Variants in RGP1 observed in about 807,000 individuals in gnomAD.
RGP1 encodes the protein RAB6A-GEF complex partner protein 2.
In RGP1, 28 loss-of-function variants were observed where a neutral mutation model predicts 44.5. The observed-to-expected ratio is 0.63, with a 90% CI of 0.47 to 0.86. The LOEUF is 0.86. RGP1 is among the 40% of genes least tolerant of loss of function. RGP1 has a pLI of 0.00. For synonymous variants in RGP1, 212 were observed against 196.7 expected, an observed-to-expected ratio of 1.08 and a Z score of -0.65; for missense variants, 417 against 490.7, an observed-to-expected ratio of 0.85 and a Z score of 1.42.
chr9:35,776,632 T>C, the RGP1 span, among the ~76,000 whole-genome samples: 1 of 152,056 alleles, frequency 6.6e-6, no homozygotes, highest in Non-Finnish European at 1.5e-5. Context: ...ATTTTCAAAG[T>C]GTCATCCTTG....
chr9:35,775,574 C>G, the RGP1 span, among the ~76,000 whole-genome samples: 1 of 151,966 alleles, frequency 6.6e-6, no homozygotes, highest in Non-Finnish European at 1.5e-5. Context: ...TGGGAAGGAG[C>G]GCCACCATTT....
At chr9:35,750,509 C>A in intron 3 of RGP1, 130 bp downstream of exon 3, 1 of 1,321,924 alleles carries the variant, frequency 7.6e-7, no homozygotes, top group Non-Finnish European at 1.1e-6. Flanking sequence ...TGTTGGGGAG[C>A]ATGACTATTG....
At chr9:35,761,237 T>A (rs564603290), downstream of RGP1, among the ~76,000 whole-genome samples, 1 of 152,366 alleles carries the variant, frequency 6.6e-6, no homozygotes, top group African/African-American at 2.4e-5. Context: ...ATTTATTATG[T>A]TATTTATGCC....
Position 35,754,177 on chromosome 9 carries a change from C to A in RGP1, c.*1303C>A. 1.3e-6 allele frequency: 2 copies of A among 1,581,024 alleles called. No individual in the cohort carries two copies. The highest frequency in any genetic ancestry group is 1.8e-5 in the Admixed American group (1 of 54,992). ...ACCCTTCTTGGCCTCTGCTCAGCTA[C>A]TCTGGTCTTGACTCCTTGACTTTGC... On this transcript the variant is annotated 3_prime_UTR_variant, in exon 9 of 9. Coordinates refer to ENST00000378078, the MANE Select transcript of RGP1 (RefSeq NM_001080496.3).
At chr9:35,765,866 G>A in the RGP1 span, among the ~76,000 whole-genome samples, 4 of 143,142 alleles carry the variant, frequency 2.8e-5, no homozygotes, top group South Asian at 2.2e-4. Flanking sequence ...ACAGAGTTTC[G>A]CTCTGTTGCC....
At chr9:35,771,300 A>G in the RGP1 span, among the ~76,000 whole-genome samples, 1 of 152,158 alleles carries the variant, frequency 6.6e-6, no homozygotes, top group African/African-American at 2.4e-5. Flanking sequence ...TGGCCTAGAT[A>G]TGATTAGATG....
In RGP1 at chr9:35,751,984, G is replaced by C. The variant is rs539391165; in HGVS notation, c.791G>C (p.Arg264Pro). The C allele has an allele frequency of 6.3e-7, 1 of 1,592,164 alleles. No individual in the cohort carries two copies. Among genetic ancestry groups the C allele is most frequent in the Non-Finnish European group, 8.6e-7 (1 of 1,169,508 alleles). ...TCAGTCAGCTTACAGACCGAGGAGC[G>C]TGTACAGCCTGAGTACCAGCGGCGA... ...QFSVSLQTEE[R>P]VQPEYQRRRG... The change falls in exon 8 of 9, where the codon CGT becomes CCT. Residue 264 changes from arginine to proline, a missense_variant. Transcript: ENST00000378078.
chr9:35,776,017 GA>G, the RGP1 span, among the ~76,000 whole-genome samples: 1 of 152,170 alleles, frequency 6.6e-6, no homozygotes, highest in East Asian at 1.9e-4. Flanking sequence ...AGATTTGAAA[GA>G]AAAAAACAGT....
At chr9:35,762,666 G>C (rs1434571999), downstream of RGP1, among the ~76,000 whole-genome samples, 3 of 152,176 alleles carry the variant, frequency 2.0e-5, no homozygotes, top group Non-Finnish European at 4.4e-5. Flanking sequence ...CTCAAACTTT[G>C]TTCCTCAGCC....
In RGP1 at chr9:35,752,784, C is replaced by G. The variant is rs532782192; in HGVS notation, c.1086C>G (p.Ser362Arg). ...AGCAAGTACCTGTAGACACCTTCAG[C>G]TGGGACCTGCCCATCAAGGTGCTGC... ...GPEQVPVDTF[S>R]WDLPIKVLPT... The change falls in exon 9 of 9, where the codon AGC (serine) becomes AGG (arginine). Residue 362 changes from serine (S) to arginine (R), a missense_variant. Transcript: ENST00000378078. 1.2e-6 allele frequency: 2 copies of G among 1,613,912 alleles called. No homozygotes were observed. The highest frequency in any genetic ancestry group is 1.3e-5 in the African/African-American group (1 of 75,042).
the RGP1 span, among the ~76,000 whole-genome samples, chr9:35,778,452 C>T: frequency 6.6e-6 from 1 of 152,180 alleles, no homozygotes; most frequent in Non-Finnish European, 1.5e-5. Context: ...TTTCTGGCCC[C>T]TTCTCTAAAG....
At chr9:35,782,576 G>T in the RGP1 span, among the ~76,000 whole-genome samples, 1 of 152,082 alleles carries the variant, frequency 6.6e-6, no homozygotes, top group Non-Finnish European at 1.5e-5. Flanking sequence ...CTCCCAAGTA[G>T]CTGGGATCAC....
chr9:35,766,119 C>T, the RGP1 span, among the ~76,000 whole-genome samples: 54,284 of 145,792 alleles, frequency 0.37, 10,690 homozygotes, highest in Middle Eastern at 0.47. Flanking sequence ...CATGAGCCAC[C>T]GTGCCGGCCT....
chr9:35,767,283 G>GT, the RGP1 span, among the ~76,000 whole-genome samples: 29,251 of 108,410 alleles, frequency 0.27, 5,663 homozygotes, highest in African/African-American at 0.52. Context: ...AAGCAAATTG[G>GT]TTTTTTTTTT....
the RGP1 span, among the ~76,000 whole-genome samples, chr9:35,768,576 C>A: frequency 6.6e-6 from 1 of 152,148 alleles, no homozygotes; most frequent in Non-Finnish European, 1.5e-5. Context: ...ATTTATTCTG[C>A]CAGAGGGTAC....
At chr9:35,776,721 C>T in the RGP1 span, among the ~76,000 whole-genome samples, 3 of 151,942 alleles carry the variant, frequency 2.0e-5, no homozygotes, top group South Asian at 2.1e-4. Context: ...GTGGGCCAGG[C>T]GCGGTGGTTC....
At chr9:35,750,802 G>A (rs560710375) in intron 4 of RGP1, 38 bp from the exon 5 acceptor site, 1 of 1,613,820 alleles carries the variant, frequency 6.2e-7, no homozygotes, top group African/African-American at 1.3e-5. Context: ...GGACTCCTCT[G>A]GTGCCTCTGG....
chr9:35,763,491 G>A (rs1827436487), downstream of RGP1, among the ~76,000 whole-genome samples: 1 of 152,150 alleles, frequency 6.6e-6, no homozygotes, highest in Non-Finnish European at 1.5e-5. Context: ...CCCATAAAAA[G>A]CAAGTTACAT....
chr9:35,758,833 C>A (rs374433287), downstream of RGP1, among the ~76,000 whole-genome samples: 18 of 152,028 alleles, frequency 1.2e-4, no homozygotes, highest in Admixed American at 1.1e-3. Context: ...GCCCACAGTC[C>A]TTTCTGGCTC....
Sources: gnomAD v4.1 joint callset for allele counts (sites outside exome capture counted in the v4.1 genomes callset) on GRCh38, gnomAD v4.1.1 for gene constraint, MANE v1.5 for transcripts, NCBI Gene and HGNC (gene_info 2026-07-23, HGNC 2026-07-21) for gene names.